The following DTX2 variants were observed in gnomAD, a reference collection of about 807,000 sequenced individuals.
DTX2 encodes deltex E3 ubiquitin ligase 2.
In DTX2, 29 loss-of-function variants were observed where a neutral mutation model predicts 55.3. The observed-to-expected ratio is 0.52, with a 90% confidence interval of 0.39 to 0.71. DTX2 has a LOEUF of 0.71. DTX2 is among the 30% of genes least tolerant of loss of function. The pLI, the probability that DTX2 is intolerant of heterozygous loss-of-function variation, is 0.00. For missense variants in DTX2, 537 were observed against 822.5 expected (o/e 0.65, Z 4.25); for synonymous variants, 276 against 340.4 (o/e 0.81, Z 2.08).
At chr7:76,472,452 AGGTAGCT>A (rs1205404504) in intron 2 of DTX2, among the ~76,000 whole-genome samples, 1 of 144,666 alleles carries the variant, frequency 6.9e-6, no homozygotes, top group African/African-American at 2.7e-5. Flanking sequence ...TCAGCTTCCC[AGGTAGCT>A]GGGATTACAG....
intron 5 of DTX2, among the ~76,000 whole-genome samples, chr7:76,495,787 G>C (rs116423476): frequency 6.6e-6 from 1 of 151,976 alleles, no homozygotes; most frequent in Non-Finnish European, 1.5e-5. Flanking sequence ...AGGGTGGGGC[G>C]GGAGGCTTGG....
chr7:76,499,955 G>C (rs1047225138), intron 6 of DTX2: 19 of 351,430 alleles, frequency 5.4e-5, no homozygotes, highest in South Asian at 2.3e-4. Flanking sequence ...GTGGCGGTCG[G>C]CGTGTGTGCA....
In DTX2 at chr7:76,505,775, G is replaced by A; in HGVS notation, c.*174G>A. The A allele has an allele frequency of 2.8e-6, 2 of 706,242 alleles. No individual in the cohort carries two copies. 43.7% of individuals were successfully genotyped at this position (706,242 alleles called of 1,614,324 possible). ...CTGCCTCTCTCTCCTCCTCCCCTCT[G>A]GGAATTGGGCAGCCCTGGGCAGTTG... On this transcript the variant is annotated 3_prime_UTR_variant, in exon 11 of 11. Transcript: ENST00000430490. This position sits in a 1 kb window ranked among gnomAD's most constrained non-coding sequence, Gnocchi z 4.4.
chr7:76,504,058 C>G (rs1462339366), intron 9 of DTX2, among the ~76,000 whole-genome samples: 1 of 146,866 alleles, frequency 6.8e-6, no homozygotes, highest in Non-Finnish European at 1.5e-5. Context: ...CTTTCGGTCT[C>G]CTGTCTTGAG....
chr7:76,479,713 A>G (rs1209366509), intron 2 of DTX2, among the ~76,000 whole-genome samples: 1 of 150,980 alleles, frequency 6.6e-6, no homozygotes, highest in African/African-American at 2.4e-5. Flanking sequence ...CCTACCCGGG[A>G]GGTGGAGGTT....
chr7:76,505,179 G>T lies in DTX2; in HGVS notation c.1642-195G>T, dbSNP rs1191843610. Reference sequence around the variant, plus strand: ...TGAGGCGGGGTGGGCTGGAGCCCAGGTTCATGTGGGATCCTAATGTACTAT... The same window carrying T: ...TGAGGCGGGGTGGGCTGGAGCCCAGTTTCATGTGGGATCCTAATGTACTAT... On this transcript the variant is annotated intron_variant, in intron 10 of 10. Transcript: ENST00000430490. The surrounding 1 kb of genome is among the most constrained non-coding windows in gnomAD (Gnocchi z 4.4). Among the ~76,000 whole-genome samples, 1 of 152,092 alleles carries T rather than the reference G, an allele frequency of 6.6e-6. No individual in the cohort carries two copies. Among genetic ancestry groups the T allele is most frequent in the Non-Finnish European group, 1.5e-5 (1 of 67,994 alleles).
chr7:76,505,278 G>A lies in DTX2; in HGVS notation c.1642-96G>A. 1 of 1,055,804 alleles carries A rather than the reference G, an allele frequency of 9.5e-7. No individual in the cohort carries two copies. Among genetic ancestry groups the A allele is most frequent in the Non-Finnish European group, 1.4e-6 (1 of 721,338 alleles). The allele number at this position is 1,055,804 out of a possible 1,614,324, so 65.4% of individuals were successfully genotyped here. ...TGGATGAGTCACCTGGGAGGGGCTG[G>A]GATGGGAAGAACATGGTGCCAACCC... is the stretch of plus-strand genomic sequence containing the variant. On this transcript the variant is annotated intron_variant, in intron 10 of 10. Coordinates refer to ENST00000430490, the MANE Select transcript of DTX2 (RefSeq NM_001102594.3). This position sits in a 1 kb window ranked among gnomAD's most constrained non-coding sequence, Gnocchi z 4.4.
At chr7:76,503,007 C>G (rs1164748049) in intron 8 of DTX2, 1 of 221,442 alleles carries the variant, frequency 4.5e-6, no homozygotes, top group Non-Finnish European at 8.9e-6. Flanking sequence ...GCGGGATGGG[C>G]AGAGTTTAGA....
Position 76,492,269 on chromosome 7 carries a change from C to T in DTX2, c.1009+16C>T, listed in dbSNP as rs572150355. On this transcript the variant is annotated intron_variant, in intron 5 of 10. Transcript: ENST00000430490. ...GCGCTCGCAGGTAGGTGCCTGACCT[C>T]GGGCTGCAGAGCAGTCTGTGCCCTG... 250 of 981,032 alleles carry T rather than the reference C, an allele frequency of 2.5e-4. 82 individuals are homozygous for T. In the East Asian group the frequency reaches 8.0e-3, roughly 31 times the overall value. 60.8% of individuals were successfully genotyped at this position (981,032 alleles called of 1,614,324 possible).
chr7:76,501,837 C>T lies in DTX2; in HGVS notation c.1231-461C>T, dbSNP rs527680020. 3 of 174,126 alleles carry T rather than the reference C, an allele frequency of 1.7e-5. No homozygotes were observed. The East Asian group carries it at 5.0e-4, about 29-fold the overall frequency. The allele number at this position is 174,126 out of a possible 1,614,324, so 10.8% of individuals were successfully genotyped here. A position where few individuals can be genotyped will look rare whatever the true frequency, so the allele number is the denominator to read the frequency against. ...GGGCCTGTGCTGCTGGTAAGCCCTT[C>T]AGAGGCACAGGTCCCGGTGACTCAC... On this transcript the variant is annotated intron_variant, in intron 7 of 10. Coordinates refer to ENST00000430490, the MANE Select transcript of DTX2 (RefSeq NM_001102594.3).
rs1323680087 is a variant in DTX2 at position 76,505,067 on chromosome 7, C to T, written c.1642-307C>T. On this transcript the variant is annotated intron_variant, in intron 10 of 10. Transcript: ENST00000430490. The surrounding 1 kb of genome is among the most constrained non-coding windows in gnomAD (Gnocchi z 4.4). ...CCACCAGGGAGGGTGGGTGGGCGGGCGCTCGTCCAGCAACGGCTGTGGAAG... is the reference window on the plus strand; with the variant it reads ...CCACCAGGGAGGGTGGGTGGGCGGGTGCTCGTCCAGCAACGGCTGTGGAAG... Among the ~76,000 whole-genome samples, 6 of 144,516 alleles carry T rather than the reference C, an allele frequency of 4.2e-5. No individual in the cohort carries two copies. The highest frequency in any genetic ancestry group is 1.4e-4 in the Admixed American group (2 of 14,172). 94.8% of individuals were successfully genotyped at this position (144,516 alleles called of 152,430 possible).
At chr7:76,481,149 T>C (rs1342543562) in intron 3 of DTX2, among the ~76,000 whole-genome samples, 2 of 152,070 alleles carry the variant, frequency 1.3e-5, no homozygotes, top group Non-Finnish European at 2.9e-5. Flanking sequence ...CCCCTCTGCA[T>C]GTGTGCGTTT....
At position 76,505,625 on chromosome 7, in the gene DTX2, T is replaced by G; in HGVS notation, c.*24T>G. On this transcript the variant is annotated 3_prime_UTR_variant, in exon 11 of 11. Coordinates refer to ENST00000430490, the MANE Select transcript of DTX2 (RefSeq NM_001102594.3). The surrounding 1 kb of genome is among the most constrained non-coding windows in gnomAD (Gnocchi z 4.4). ...GACCTCGCACCCCAGCACGCCCGCC[T>G]CTGGTGGCCACCCCGCTGCCCCATG... 1 of 1,534,406 alleles carries G rather than the reference T, an allele frequency of 6.5e-7. No homozygotes were observed.
intron 4 of DTX2, among the ~76,000 whole-genome samples, chr7:76,483,495 A>T (rs1329668782): frequency 6.6e-6 from 1 of 151,848 alleles, no homozygotes; most frequent in Non-Finnish European, 1.5e-5. Context: ...CTGTACACTG[A>T]CTCCCGCCTT....
Position 76,502,422 on chromosome 7 carries a change from T to A in DTX2, c.1355T>A (p.Leu452Gln). 1 of 1,612,594 alleles carries A rather than the reference T, an allele frequency of 6.2e-7. No homozygotes were observed. Among genetic ancestry groups the A allele is most frequent in the Non-Finnish European group, 8.5e-7 (1 of 1,179,962 alleles). Residue 452 changes from leucine to glutamine, a missense_variant, in exon 8 of 11, where the codon CTG (leucine) becomes CAG (glutamine). Transcript: ENST00000430490. ...AAGTGCAGCCATGCCTTCCACCTGC[T>A]GTGCCTCCTGGCCATGTACTGCAAC... is the stretch of plus-strand genomic sequence containing the variant. The part of the protein sequence containing the change: ...LTKCSHAFHL[L>Q]CLLAMYCNGN...
intron 3 of DTX2, among the ~76,000 whole-genome samples, chr7:76,481,718 G>A (rs1034556135): frequency 1.8e-4 from 28 of 152,116 alleles, no homozygotes; most frequent in African/African-American, 6.3e-4. Context: ...CAGTGCACTG[G>A]GCTGGCCCTG....
Position 76,502,279 on chromosome 7 carries a change from C to T in DTX2, c.1231-19C>T, listed in dbSNP as rs758570695. 2 of 1,589,152 alleles carry T rather than the reference C, an allele frequency of 1.3e-6. No individual in the cohort carries two copies. Among genetic ancestry groups the T allele is most frequent in the Non-Finnish European group, 1.7e-6 (2 of 1,161,288 alleles). On this transcript the variant is annotated intron_variant, in intron 7 of 10. Transcript: ENST00000430490. ...CAGCCCACTGTTGGCGAGCATGACC[C>T]ATGTTTGGTCTCCTCCAGGACTGCA...
intron 2 of DTX2, among the ~76,000 whole-genome samples, chr7:76,468,520 C>T (rs1460913397): frequency 3.2e-5 from 2 of 63,272 alleles, no homozygotes; most frequent in Non-Finnish European, 5.7e-5. Context: ...TGCAATGGCA[C>T]GATCTCAGCT....
intron 5 of DTX2, among the ~76,000 whole-genome samples, chr7:76,495,385 G>A (rs1471207440): frequency 6.6e-6 from 1 of 151,568 alleles, no homozygotes; most frequent in African/African-American, 2.4e-5. Context: ...GGCTCTGACA[G>A]CGGGAATCCT....
Sources: allele counts gnomAD v4.1 joint callset (sites outside exome capture counted in the v4.1 genomes callset), GRCh38; gene constraint gnomAD v4.1.1; non-coding constraint Gnocchi (gnomAD v3.1); transcripts MANE v1.5; gene names NCBI Gene and HGNC (gene_info 2026-07-23, HGNC 2026-07-21).